Variants in CEP70 observed in about 807,000 individuals in gnomAD.
CEP70 encodes centrosomal protein of 70 kDa.
In CEP70, 70 loss-of-function variants were observed where a neutral mutation model predicts 90.9. The observed-to-expected ratio is 0.77, with a 90% CI of 0.64 to 0.94. The LOEUF (loss-of-function observed/expected upper bound fraction) is 0.94. CEP70 is among the 40% of genes least tolerant of loss of function. The pLI is 0.00. For synonymous variants in CEP70, 220 were observed against 228.3 expected, an observed-to-expected ratio of 0.96 and a Z score of 0.33; for missense variants, 648 against 669.0, an observed-to-expected ratio of 0.97 and a Z score of 0.35.
At chr3:138,557,427 G>T (rs902683766) in intron 6 of CEP70, among the ~76,000 whole-genome samples, 1 of 152,148 alleles carries the variant, frequency 6.6e-6, no homozygotes. Flanking sequence ...AAATCACAAG[G>T]GTATTGATTG....
intron 13 of CEP70, among the ~76,000 whole-genome samples, chr3:138,504,816 T>TGGAGATAAGCTCAGTTCTG (rs1329944581): frequency 4.6e-5 from 7 of 152,042 alleles, no homozygotes; most frequent in Non-Finnish European, 8.8e-5. Flanking sequence ...TAAGCAGAAA[T>TGGAGATAAGCTCAGTTCTG]GGAGATAAGC....
chr3:138,555,383 C>A (rs2039935679), intron 6 of CEP70, among the ~76,000 whole-genome samples: 1 of 151,684 alleles, frequency 6.6e-6, no homozygotes, highest in African/African-American at 2.4e-5. Context: ...ATTTCATGAC[C>A]AAGAACTCAA....
chr3:138,524,807 C>A (rs991252538), intron 11 of CEP70, among the ~76,000 whole-genome samples: 12 of 152,192 alleles, frequency 7.9e-5, no homozygotes, highest in African/African-American at 2.4e-4. Context: ...CACTTTTACA[C>A]TGTTGGTGGA....
rs1191748512 is a variant in CEP70, at chr3:138,529,368, C to A, written c.780+7G>T. 3.1e-6 allele frequency: 5 copies of A among 1,593,758 alleles called. No individual in the cohort carries two copies. The highest frequency in any genetic ancestry group is 1.1e-5 in the South Asian group (1 of 88,844). ...AAAAGTATTTATTAGTTATGCAGTC[C>A]CCATACCATTAAAAGGCCTTTATAA... On this transcript the variant is annotated splice_region_variant and intron_variant, in intron 9 of 17. Coordinates refer to ENST00000264982, the MANE Select transcript of CEP70 (RefSeq NM_024491.4).
chr3:138,520,025 T>A (rs1290883778), intron 11 of CEP70, among the ~76,000 whole-genome samples: 2 of 151,892 alleles, frequency 1.3e-5, no homozygotes, highest in Non-Finnish European at 2.9e-5. Flanking sequence ...AAGGCAGGGG[T>A]TGCAATCCTA....
At chr3:138,554,403 G>T (rs1301314086) in intron 6 of CEP70, among the ~76,000 whole-genome samples, 2 of 151,974 alleles carry the variant, frequency 1.3e-5, no homozygotes, top group Non-Finnish European at 2.9e-5. Flanking sequence ...TTGAGAACTA[G>T]AACAAGATGA....
intron 11 of CEP70, among the ~76,000 whole-genome samples, chr3:138,517,283 G>A (rs577099144): frequency 6.6e-6 from 1 of 152,268 alleles, no homozygotes; most frequent in Non-Finnish European, 1.5e-5. Context: ...TGTGAAACCA[G>A]AAACACCCCC....
At chr3:138,553,671 A>G (rs1347083464) in intron 6 of CEP70, among the ~76,000 whole-genome samples, 1 of 152,168 alleles carries the variant, frequency 6.6e-6, no homozygotes, top group Non-Finnish European at 1.5e-5. Context: ...ACAAAAAAAG[A>G]AAACTACAGA....
At chr3:138,496,056 A>T (rs1048870316) in intron 17 of CEP70, 338 of 985,258 alleles carry the variant, frequency 3.4e-4, no homozygotes, top group Non-Finnish European at 3.8e-4. Flanking sequence ...TCACTCTCTG[A>T]AGCTCCTGGC....
Position 138,498,045 on chromosome 3 carries a change from A to G in CEP70, c.1718T>C (p.Leu573Pro). 1 of 1,612,992 alleles carries G rather than the reference A, an allele frequency of 6.2e-7. No homozygotes were observed. The highest frequency in any genetic ancestry group is 8.5e-7 in the Non-Finnish European group (1 of 1,179,434). Residue 573 changes from leucine to proline, a missense_variant, in exon 17 of 18, where the codon CTA becomes CCA. Transcript: ENST00000264982. Reference protein sequence around the residue: ...FPAFQAFTNDLLEILEIDDLD... With the variant: ...FPAFQAFTNDPLEILEIDDLD... Reference sequence around the variant, plus strand: ...AGAGATCTTACCTAAGATTTCAAGTAGATCATTAGTAAATGCCTGAAATGC... The same window carrying G: ...AGAGATCTTACCTAAGATTTCAAGTGGATCATTAGTAAATGCCTGAAATGC...
intron 6 of CEP70, among the ~76,000 whole-genome samples, chr3:138,569,427 C>G (rs755981298): frequency 1.3e-5 from 2 of 152,166 alleles, no homozygotes; most frequent in Admixed American, 6.5e-5. Context: ...ACTCATACAA[C>G]TAAACATTAG....
intron 11 of CEP70, among the ~76,000 whole-genome samples, chr3:138,515,979 T>G (rs1237031653): frequency 6.6e-6 from 1 of 152,086 alleles, no homozygotes; most frequent in Non-Finnish European, 1.5e-5. Flanking sequence ...ATTCAACCCA[T>G]CATGAAGTCC....
At chr3:138,593,217 TTAATA>T (rs1377103520) in intron 1 of CEP70, 1 of 152,204 alleles carries the variant, frequency 6.6e-6, no homozygotes, top group Non-Finnish European at 1.5e-5. Flanking sequence ...TGCACAGAGT[TTAATA>T]TATTATACAT....
At chr3:138,582,656 C>T (rs147070729) in intron 2 of CEP70, among the ~76,000 whole-genome samples, 158 of 151,050 alleles carry the variant, frequency 1.0e-3, no homozygotes, top group African/African-American at 3.7e-3. Context: ...CCCAGCTACT[C>T]GGGAGGCTGA....
intron 6 of CEP70, among the ~76,000 whole-genome samples, chr3:138,568,665 T>C (rs1380879353): frequency 6.6e-6 from 1 of 152,136 alleles, no homozygotes; most frequent in African/African-American, 2.4e-5. Context: ...ATACTATTGA[T>C]GAGGAAAGCA....
At chr3:138,588,013 A>G (rs1384687453) in intron 2 of CEP70, among the ~76,000 whole-genome samples, 1 of 152,032 alleles carries the variant, frequency 6.6e-6, no homozygotes, top group East Asian at 1.9e-4. Context: ...TTTTTTTTCA[A>G]TAAATGATGC....
chr3:138,531,080 G>C (rs1389666009), intron 8 of CEP70, among the ~76,000 whole-genome samples: 1 of 152,084 alleles, frequency 6.6e-6, no homozygotes, highest in Non-Finnish European at 1.5e-5. Flanking sequence ...AGGATAATTT[G>C]TATAGGCCAA....
At chr3:138,593,828 T>C (rs1461625447) in intron 1 of CEP70, 1 of 152,152 alleles carries the variant, frequency 6.6e-6, no homozygotes, top group Non-Finnish European at 1.5e-5. Flanking sequence ...GATGGAGTAA[T>C]TACCTACAGC....
chr3:138,538,964 T>A (rs1326926034), intron 6 of CEP70, among the ~76,000 whole-genome samples: 1 of 152,196 alleles, frequency 6.6e-6, no homozygotes, highest in Non-Finnish European at 1.5e-5. Flanking sequence ...GGTGGAGGTT[T>A]AGGGTTTACT....
Sources: allele counts gnomAD v4.1 joint callset (sites outside exome capture counted in the v4.1 genomes callset), GRCh38; gene constraint gnomAD v4.1.1; transcripts MANE v1.5; gene names NCBI Gene and HGNC (gene_info 2026-07-23, HGNC 2026-07-21).